SHISA9: variants seen among roughly 807,000 people sequenced by gnomAD.
SHISA9 encodes protein shisa-9.
SHISA9 carries 13 observed loss-of-function variants against 38.0 expected under a neutral mutation model. That is an observed-to-expected ratio of 0.34 (90% CI 0.22 to 0.54). The LOEUF (loss-of-function observed/expected upper bound fraction) is 0.54, where lower values mean the gene tolerates loss of function less well. Among genes scored for constraint, SHISA9 ranks in the 20% least tolerant of loss-of-function variants. The probability of loss-of-function intolerance (pLI) is 0.91; values close to 1 mark genes in which losing one functional copy is unlikely to be tolerated. For missense variants in SHISA9, 538 were observed against 575.8 expected (o/e 0.93, Z 0.67); for synonymous variants, 275 against 242.0 (o/e 1.14, Z -1.27).
At chr16:13,234,722 G>A (rs2051363944) in intron 4 of SHISA9, among the ~76,000 whole-genome samples, 1 of 152,140 alleles carries the variant, frequency 6.6e-6, no homozygotes, top group South Asian at 2.1e-4. Flanking sequence ...GAATTTCATA[G>A]GCAAACCAAC....
At chr16:13,028,229 A>T (rs1019879328) in intron 2 of SHISA9, among the ~76,000 whole-genome samples, 3 of 152,290 alleles carry the variant, frequency 2.0e-5, no homozygotes, top group Admixed American at 2.0e-4. Context: ...AATAAACGTT[A>T]TTTAAGAAGA....
the SHISA9 span, among the ~76,000 whole-genome samples, chr16:13,305,129 G>A: frequency 8.5e-5 from 13 of 152,246 alleles, no homozygotes; most frequent in African/African-American, 2.4e-4. Context: ...GTCTGAACAC[G>A]AAATTCATTT....
Position 13,056,333 on chromosome 16 carries a change from G to T in SHISA9, c.691+139518G>T, listed in dbSNP as rs186113262. On this transcript the variant is annotated intron_variant, in intron 2 of 4. Coordinates refer to ENST00000558583, the MANE Select transcript of SHISA9 (RefSeq NM_001145204.3). The stretch of plus-strand genomic sequence containing the variant: ...ATTTTACAGGGTGGAGGCAAACTAT[G>T]GTTTGTCTAGGGAAAAGTCAAATTA... Among the ~76,000 whole-genome samples the T allele has an allele frequency of 3.5e-4, 53 of 152,276 alleles. 1 individual carries two copies. The highest frequency in any genetic ancestry group is 2.8e-3 in the Admixed American group (43 of 15,298).
At chr16:13,518,096 C>T in the SHISA9 span, among the ~76,000 whole-genome samples, 1 of 152,168 alleles carries the variant, frequency 6.6e-6, no homozygotes, top group African/African-American at 2.4e-5. Context: ...TCTCTCCCTG[C>T]TTCTCCCCAA....
At chr16:13,538,127 A>G in the SHISA9 span, among the ~76,000 whole-genome samples, 30,636 of 152,146 alleles carry the variant, frequency 0.2, 3,375 homozygotes, top group South Asian at 0.31. Context: ...TACTAGAAAG[A>G]GTAGTGAAAA....
intron 2 of SHISA9, among the ~76,000 whole-genome samples, chr16:12,941,188 C>T (rs958228124): frequency 2.6e-5 from 4 of 151,996 alleles, no homozygotes; most frequent in Non-Finnish European, 5.9e-5. Flanking sequence ...GCTGTCTCCA[C>T]TAAAAATACA....
chr16:12,959,698 T>G (rs910295244), intron 2 of SHISA9, among the ~76,000 whole-genome samples: 1 of 152,120 alleles, frequency 6.6e-6, no homozygotes, highest in Non-Finnish European at 1.5e-5. Flanking sequence ...CTGAGGCCCC[T>G]AGGGTGGGGG....
intron 2 of SHISA9, among the ~76,000 whole-genome samples, chr16:13,136,276 A>G (rs943392893): frequency 2.0e-5 from 3 of 152,094 alleles, no homozygotes; most frequent in African/African-American, 7.2e-5. Flanking sequence ...TGAGGATTAA[A>G]TGAACTATTT....
intron 2 of SHISA9, among the ~76,000 whole-genome samples, chr16:12,943,574 C>T (rs1222832551): frequency 6.6e-6 from 1 of 152,062 alleles, no homozygotes; most frequent in Non-Finnish European, 1.5e-5. Context: ...TGTAAACTGC[C>T]TTAATAAACA....
At chr16:13,387,224 A>G in the SHISA9 span, among the ~76,000 whole-genome samples, 1 of 152,208 alleles carries the variant, frequency 6.6e-6, no homozygotes, top group Non-Finnish European at 1.5e-5. Flanking sequence ...CCTAATTCCT[A>G]GTACCTCCAA....
At chr16:13,471,124 C>G in the SHISA9 span, among the ~76,000 whole-genome samples, 3,145 of 152,018 alleles carry the variant, frequency 0.021, 114 homozygotes, top group African/African-American at 0.073. Flanking sequence ...GGCATTTATC[C>G]ACGGACTCAC....
chr16:12,943,383 GAGA>G (rs2071647801), intron 2 of SHISA9, among the ~76,000 whole-genome samples: 1 of 98,138 alleles, frequency 1.0e-5, no homozygotes, highest in East Asian at 2.7e-4. Context: ...GAGAGAGAGA[GAGA>G]GAGAGATCCT....
At chr16:13,529,717 A>G in the SHISA9 span, among the ~76,000 whole-genome samples, 1 of 152,166 alleles carries the variant, frequency 6.6e-6, no homozygotes, top group African/African-American at 2.4e-5. Flanking sequence ...AACAGAAAAA[A>G]CAACACCAAC....
intron 2 of SHISA9, among the ~76,000 whole-genome samples, chr16:12,974,642 T>A (rs1224116341): frequency 6.6e-6 from 1 of 151,938 alleles, no homozygotes; most frequent in African/African-American, 2.4e-5. Flanking sequence ...CCCACCACCA[T>A]GCCCAGCTAA....
At chr16:13,486,725 A>T in the SHISA9 span, among the ~76,000 whole-genome samples, 1 of 151,880 alleles carries the variant, frequency 6.6e-6, no homozygotes, top group African/African-American at 2.4e-5. Context: ...TTTCTTTGAG[A>T]TGGATTTTTG....
At chr16:13,468,343 C>G in the SHISA9 span, among the ~76,000 whole-genome samples, 15 of 152,126 alleles carry the variant, frequency 9.9e-5, no homozygotes, top group Non-Finnish European at 1.9e-4. Flanking sequence ...AGAGAGGAGA[C>G]CTGACTTACT....
intron 2 of SHISA9, among the ~76,000 whole-genome samples, chr16:13,100,641 G>A (rs941274266): frequency 6.6e-6 from 1 of 152,200 alleles, no homozygotes; most frequent in Non-Finnish European, 1.5e-5. Flanking sequence ...GTGCACTCCA[G>A]GAGAAAGGAT....
At chr16:13,455,271 C>G in the SHISA9 span, among the ~76,000 whole-genome samples, 2 of 152,194 alleles carry the variant, frequency 1.3e-5, no homozygotes, top group Non-Finnish European at 2.9e-5. Flanking sequence ...AAGCAGCCTT[C>G]CTCTCCATTG....
chr16:13,208,492 A>G (rs1596733427), intron 3 of SHISA9, among the ~76,000 whole-genome samples: 1 of 127,856 alleles, frequency 7.8e-6, no homozygotes, highest in Admixed American at 9.6e-5. Context: ...CCCAGGCTGG[A>G]GTGCCATGGC....
Sources: allele counts gnomAD v4.1 joint callset (sites outside exome capture counted in the v4.1 genomes callset), GRCh38; gene constraint gnomAD v4.1.1; transcripts MANE v1.5; gene names NCBI Gene and HGNC (gene_info 2026-07-23, HGNC 2026-07-21).